The following SIK3 variants were observed in gnomAD, a reference collection of about 807,000 sequenced individuals.
SIK3 encodes the protein serine/threonine-protein kinase SIK3.
Under a neutral mutation model 144.2 loss-of-function variants are expected in SIK3, and 28 were observed. That is an observed-to-expected ratio of 0.19 (90% CI 0.14 to 0.27). The LOEUF (loss-of-function observed/expected upper bound fraction) is 0.27, where lower values mean the gene tolerates loss of function less well. SIK3 is among the 10% of genes least tolerant of loss of function. The pLI is 1.00. For synonymous variants in SIK3, 686 were observed against 676.3 expected, an observed-to-expected ratio of 1.01 and a Z score of -0.22; for missense variants, 1,319 against 1,776.0, an observed-to-expected ratio of 0.74 and a Z score of 4.62.
chr11:116,915,839 T>C (rs1350487382), intron 4 of SIK3, among the ~76,000 whole-genome samples: 1 of 152,168 alleles, frequency 6.6e-6, no homozygotes, highest in African/African-American at 2.4e-5. Context: ...AATCCAGTGA[T>C]CCATAATAGA....
At position 116,857,954 on chromosome 11, in the gene SIK3, C is replaced by A. The variant is rs1943051945; in HGVS notation, c.3511G>T (p.Asp1171Tyr). 6.2e-7 allele frequency: 1 copy of A among 1,614,116 alleles called. No homozygotes were observed. Among genetic ancestry groups the A allele is most frequent in the Admixed American group, 1.7e-5 (1 of 60,008 alleles). The change falls in exon 21 of 25, where the codon GAC (aspartate) becomes TAC (tyrosine). Residue 1171 changes from aspartate (D) to tyrosine (Y), a missense_variant. By Grantham distance (160) the Asp-to-Tyr change is radical (BLOSUM62 -3). Coordinates refer to ENST00000445177, the MANE Select transcript of SIK3 (RefSeq NM_001366686.3). ...SSSTLTKGCHDSPLLLSTGGP... is the reference protein window; with the variant it reads ...SSSTLTKGCHYSPLLLSTGGP... ...CCGGTACTCAAGAGCAGAGGGCTGT[C>A]ATGGCAACCTTTGGTCAATGTACTT...
At chr11:117,063,506 C>T (rs767836505) in intron 1 of SIK3, among the ~76,000 whole-genome samples, 3 of 151,998 alleles carry the variant, frequency 2.0e-5, no homozygotes, top group Non-Finnish European at 2.9e-5. Context: ...ATCCTTCTGG[C>T]CTGATTTACC....
intron 1 of SIK3, among the ~76,000 whole-genome samples, chr11:117,050,307 A>C (rs916760571): frequency 2.7e-5 from 4 of 148,488 alleles, no homozygotes; most frequent in South Asian, 2.2e-4. Context: ...CACACACACA[A>C]AAAGATATCA....
chr11:116,851,987 T>C (rs1385792550), intron 21 of SIK3, among the ~76,000 whole-genome samples: 3 of 152,250 alleles, frequency 2.0e-5, no homozygotes, highest in African/African-American at 7.2e-5. Context: ...GCTTTTTTCC[T>C]TTAAGCCTGA....
intron 1 of SIK3, among the ~76,000 whole-genome samples, chr11:117,066,874 A>C (rs191314312): frequency 6.6e-6 from 1 of 152,310 alleles, no homozygotes; most frequent in African/African-American, 2.4e-5. Context: ...ATCTGAACAA[A>C]TGCTTCACCA....
intron 1 of SIK3, among the ~76,000 whole-genome samples, chr11:117,061,162 G>A (rs1953774189): frequency 1.3e-5 from 2 of 152,098 alleles, no homozygotes; most frequent in South Asian, 4.1e-4. Context: ...CAGGAAGATG[G>A]CTTGAGCCCA....
intron 1 of SIK3, among the ~76,000 whole-genome samples, chr11:116,960,848 G>A (rs1449059958): frequency 6.6e-6 from 1 of 152,118 alleles, no homozygotes; most frequent in Non-Finnish European, 1.5e-5. Flanking sequence ...TTTTCTTCTG[G>A]AATCAAGCCT....
intron 1 of SIK3, among the ~76,000 whole-genome samples, chr11:116,987,129 C>G (rs968196536): frequency 2.6e-5 from 4 of 152,010 alleles, no homozygotes; most frequent in Non-Finnish European, 5.9e-5. Flanking sequence ...GTGCATTTTA[C>G]CACAAAACAA....
intron 1 of SIK3, among the ~76,000 whole-genome samples, chr11:117,076,134 C>A (rs974973875): frequency 3.3e-5 from 5 of 152,088 alleles, no homozygotes; most frequent in Non-Finnish European, 7.4e-5. Flanking sequence ...CAGGTGTGAG[C>A]CACTGCACCC....
At chr11:116,907,960 G>C (rs949848817) in intron 4 of SIK3, among the ~76,000 whole-genome samples, 1 of 146,066 alleles carries the variant, frequency 6.8e-6, no homozygotes, top group Non-Finnish European at 1.5e-5. Flanking sequence ...GCCCTAATGT[G>C]AAAGGTAAAA....
intron 1 of SIK3, among the ~76,000 whole-genome samples, chr11:117,054,699 T>C (rs776579030): frequency 6.6e-6 from 1 of 152,028 alleles, no homozygotes; most frequent in Non-Finnish European, 1.5e-5. Flanking sequence ...TTGGCAGAGG[T>C]GGGAGGATCA....
At chr11:116,870,059 A>G in intron 14 of SIK3, 2 of 1,368,916 alleles carry the variant, frequency 1.5e-6, no homozygotes, top group East Asian at 6.6e-5. Context: ...ATATGAAGGC[A>G]GGGGACAAGG....
chr11:116,922,011 G>T (rs1947009278), intron 4 of SIK3, among the ~76,000 whole-genome samples: 2 of 151,598 alleles, frequency 1.3e-5, no homozygotes, highest in Non-Finnish European at 2.9e-5. Context: ...CCTTAGCCTT[G>T]ATCTCAACTA....
chr11:117,069,708 G>T (rs1022685024), intron 1 of SIK3, among the ~76,000 whole-genome samples: 8 of 152,002 alleles, frequency 5.3e-5, no homozygotes, highest in African/African-American at 1.9e-4. Context: ...TCTTAATAAA[G>T]AATATATCCC....
rs1197108753 is a variant in SIK3, at chr11:116,844,608, TTATATA to T, written c.*1029_*1034del. The T allele has an allele frequency of 1.8e-5, 1 of 55,890 alleles. No homozygotes were observed. The highest frequency in any genetic ancestry group is 3.7e-5 in the Non-Finnish European group (1 of 27,264). 3.5% of individuals were successfully genotyped at this position (55,890 alleles called of 1,614,324 possible). On this transcript the variant is annotated 3_prime_UTR_variant, in exon 25 of 25. Coordinates refer to ENST00000445177, the MANE Select transcript of SIK3 (RefSeq NM_001366686.3). ...TATATATATATATTTTATATATATA[TTATATA>T]TATAATATATATATAATATATTATA...
chr11:117,001,538 G>A (rs982247453), intron 1 of SIK3, among the ~76,000 whole-genome samples: 1 of 151,882 alleles, frequency 6.6e-6, no homozygotes, highest in Non-Finnish European at 1.5e-5. Flanking sequence ...AGTAATTTGA[G>A]CTGGGCACAG....
chr11:116,956,466 G>A (rs1949142946), intron 2 of SIK3, among the ~76,000 whole-genome samples: 1 of 152,020 alleles, frequency 6.6e-6, no homozygotes, highest in Non-Finnish European at 1.5e-5. Context: ...ATAGAAAAGA[G>A]GTAGGTTTTG....
At chr11:116,994,669 C>A (rs759864650) in intron 1 of SIK3, among the ~76,000 whole-genome samples, 8 of 152,166 alleles carry the variant, frequency 5.3e-5, no homozygotes, top group Non-Finnish European at 7.3e-5. Flanking sequence ...TATAAGCCAT[C>A]ACTGTCGGAC....
At chr11:117,043,680 C>A (rs1344780474) in intron 1 of SIK3, among the ~76,000 whole-genome samples, 1 of 152,168 alleles carries the variant, frequency 6.6e-6, no homozygotes, top group Non-Finnish European at 1.5e-5. Flanking sequence ...CTGAACTGTT[C>A]AGCCATAGGG....
Sources: gnomAD v4.1 joint callset for allele counts (sites outside exome capture counted in the v4.1 genomes callset) on GRCh38, gnomAD v4.1.1 for gene constraint, MANE v1.5 for transcripts, NCBI Gene and HGNC (gene_info 2026-07-23, HGNC 2026-07-21) for gene names.